AIM2: variants seen among roughly 807,000 people sequenced by gnomAD.
The protein encoded by AIM2 is interferon-inducible protein AIM2.
In AIM2, 30 loss-of-function variants were observed where a neutral mutation model predicts 27.7. The observed-to-expected ratio is 1.08, with a 90% CI of 0.81 to 1.47. AIM2 has a LOEUF of 1.47. AIM2 is among the 40% of genes most tolerant of loss of function. The pLI is 0.00. For missense variants in AIM2, 358 were observed against 411.3 expected (o/e 0.87, Z 1.12); for synonymous variants, 141 against 145.3 (o/e 0.97, Z 0.21).
At chr1:159,060,472 G>A (rs1655797445), downstream of AIM2, among the ~76,000 whole-genome samples, 1 of 152,112 alleles carries the variant, frequency 6.6e-6, no homozygotes, top group Non-Finnish European at 1.5e-5. Flanking sequence ...TTTTACAAAT[G>A]CATGTAGTCA....
intron 2 of AIM2, among the ~76,000 whole-genome samples, chr1:159,069,889 C>T (rs776592299): frequency 1.1e-4 from 17 of 152,158 alleles, no homozygotes; most frequent in Non-Finnish European, 2.2e-4. Context: ...TTCCTTCTGT[C>T]GAGGGGACCC....
upstream of AIM2, chr1:159,077,017 G>A (rs983205334): frequency 6.6e-6 from 1 of 152,246 alleles, no homozygotes; most frequent in African/African-American, 2.4e-5. Flanking sequence ...TGTGACTAAG[G>A]GGCCTGGTGA....
At chr1:159,143,881 G>A (rs769485127), upstream of AIM2, among the ~76,000 whole-genome samples, 203 of 152,186 alleles carry the variant, frequency 1.3e-3, 2 homozygotes, top group Admixed American at 3.3e-3. Context: ...AAATTCCAAC[G>A]TAGGAATGAC....
intron 2 of AIM2, among the ~76,000 whole-genome samples, chr1:159,071,424 T>G (rs1381811126): frequency 3.9e-5 from 6 of 152,246 alleles, no homozygotes; most frequent in African/African-American, 1.4e-4. Context: ...AAAAGCGGCC[T>G]AAGTATGTCC....
At chr1:159,069,143 C>CA (rs1189793420) in intron 2 of AIM2, among the ~76,000 whole-genome samples, 4,538 of 109,540 alleles carry the variant, frequency 0.041, 243 homozygotes, top group African/African-American at 0.13. Flanking sequence ...CTGTCTGTCT[C>CA]AAAAAAAAAA....
intron 1 of AIM2, among the ~76,000 whole-genome samples, chr1:159,108,890 T>C (rs2102026202): frequency 6.6e-6 from 1 of 152,208 alleles, no homozygotes; most frequent in Admixed American, 6.5e-5. Flanking sequence ...AAAGAAATCA[T>C]AGACGACACA....
chr1:159,071,020 C>A (rs1026048947), intron 2 of AIM2, among the ~76,000 whole-genome samples: 3 of 152,206 alleles, frequency 2.0e-5, no homozygotes, highest in African/African-American at 7.2e-5. Flanking sequence ...CCTTAATAAT[C>A]AGGTGCACAT....
In AIM2 at chr1:159,110,172, C is replaced by T. The variant is rs549440762; in HGVS notation, c.-16+30259G>A. The stretch of plus-strand genomic sequence containing the variant: ...TGGAACCAACCCAAATGGCCATCAA[C>T]CAATGAGGATAAAGAGACTGTAGTA... On this transcript the variant is annotated intron_variant, in intron 1 of 2. Coordinates refer to the AIM2 transcript ENST00000368129. Among the ~76,000 whole-genome samples, 64 of 152,164 alleles carry T rather than the reference C, an allele frequency of 4.2e-4. 2 individuals are homozygous for T. In the South Asian group the frequency reaches 0.013, roughly 30 times the overall value.
rs1656625927 is a variant in AIM2, at chr1:159,076,756, C to A, written c.-144G>T. 1 of 152,332 alleles carries A rather than the reference C, an allele frequency of 6.6e-6. No individual in the cohort carries two copies. The allele number at this position is 152,332 out of a possible 1,614,324, so 9.4% of individuals were successfully genotyped here. ...GGTGACTTTCAAAGCTACAAAGACT[C>A]TGACACTTCTGGACGGCTTCACATG... is the stretch of plus-strand genomic sequence containing the variant. On this transcript the variant is annotated 5_prime_UTR_variant, in exon 1 of 6. Transcript: ENST00000368130.
At chr1:159,142,982 C>T (rs1456068604), upstream of AIM2, among the ~76,000 whole-genome samples, 3 of 152,180 alleles carry the variant, frequency 2.0e-5, no homozygotes, top group Non-Finnish European at 4.4e-5. Context: ...CCTCCTTCTC[C>T]CTCACTGTGT....
At chr1:159,069,898 C>A (rs985918754) in intron 2 of AIM2, among the ~76,000 whole-genome samples, 2 of 152,142 alleles carry the variant, frequency 1.3e-5, no homozygotes, top group Non-Finnish European at 2.9e-5. Flanking sequence ...TCGAGGGGAC[C>A]CCATCCTGCC....
chr1:159,073,187 C>T (rs553913121), intron 2 of AIM2, 51 bp downstream of exon 2: 2 of 1,606,516 alleles, frequency 1.2e-6, no homozygotes, highest in Admixed American at 1.7e-5. Context: ...AAAGGAAAGG[C>T]CCAGGCTTGG....
At chr1:159,074,197 G>A (rs972325979) in intron 1 of AIM2, among the ~76,000 whole-genome samples, 5 of 152,146 alleles carry the variant, frequency 3.3e-5, no homozygotes, top group African/African-American at 1.2e-4. Flanking sequence ...CTGATGAAGT[G>A]CAATTAATCA....
intron 1 of AIM2, among the ~76,000 whole-genome samples, chr1:159,145,873 C>T (rs1376751130): frequency 6.6e-6 from 1 of 152,078 alleles, no homozygotes; most frequent in Non-Finnish European, 1.5e-5. Flanking sequence ...TTTGGGAGGC[C>T]AAGACAGGCA....
chr1:159,111,643 A>T (rs1657574088), intron 1 of AIM2, among the ~76,000 whole-genome samples: 1 of 152,102 alleles, frequency 6.6e-6, no homozygotes, highest in Non-Finnish European at 1.5e-5. Flanking sequence ...AAAGATTTTT[A>T]AAAGATGAAA....
At chr1:159,064,028 T>C (rs1655970475) in intron 4 of AIM2, among the ~76,000 whole-genome samples, 1 of 152,204 alleles carries the variant, frequency 6.6e-6, no homozygotes, top group African/African-American at 2.4e-5. Context: ...TAGTATATAA[T>C]ATGTATAACA....
chr1:159,117,327 A>T (rs1179875391), intron 1 of AIM2, among the ~76,000 whole-genome samples: 2 of 152,238 alleles, frequency 1.3e-5, no homozygotes, highest in African/African-American at 4.8e-5. Flanking sequence ...GAGGCATCAG[A>T]AAAACATGTG....
chr1:159,061,597 G>A (rs1410388112), downstream of AIM2, among the ~76,000 whole-genome samples: 1 of 133,848 alleles, frequency 7.5e-6, no homozygotes, highest in Non-Finnish European at 1.6e-5. Context: ...TAGAGATGGG[G>A]TTTCACCATG....
intron 1 of AIM2, among the ~76,000 whole-genome samples, chr1:159,127,582 A>T (rs1282029993): frequency 6.6e-6 from 1 of 152,256 alleles, no homozygotes; most frequent in Non-Finnish European, 1.5e-5. Flanking sequence ...CTGATCAGAA[A>T]TGTAATCTAT....
Sources: allele counts gnomAD v4.1 joint callset (sites outside exome capture counted in the v4.1 genomes callset), GRCh38; gene constraint gnomAD v4.1.1; transcripts MANE v1.5; gene names NCBI Gene and HGNC (gene_info 2026-07-23, HGNC 2026-07-21).